Variants in SIM2 observed in about 807,000 individuals in gnomAD.
SIM2 encodes the protein single-minded homolog 2.
Under a neutral mutation model 64.8 loss-of-function variants are expected in SIM2, and 28 were observed. The observed-to-expected ratio is 0.43, with a 90% CI of 0.32 to 0.59. The LOEUF (loss-of-function observed/expected upper bound fraction) is 0.59. Ranked by LOEUF, SIM2 falls within the 20% of genes least tolerant of loss-of-function variation. SIM2 has a pLI of 0.07. For synonymous variants in SIM2, 408 were observed against 391.1 expected, an observed-to-expected ratio of 1.04 and a Z score of -0.51; for missense variants, 847 against 871.4, an observed-to-expected ratio of 0.97 and a Z score of 0.35.
intron 1 of SIM2, among the ~76,000 whole-genome samples, chr21:36,706,825 C>T (rs1193262198): frequency 6.6e-6 from 1 of 152,174 alleles, no homozygotes; most frequent in Non-Finnish European, 1.5e-5. Context: ...ACCAAATCTC[C>T]GCCGGCAAAG....
chr21:36,699,866 G>T lies in SIM2; in HGVS notation c.120G>T (p.Ala40=). 3.1e-6 allele frequency: 5 copies of T among 1,609,054 alleles called. No individual in the cohort carries two copies. Among genetic ancestry groups the T allele is most frequent in the Non-Finnish European group, 4.2e-6 (5 of 1,177,880 alleles). ...PSAITSQLDK[A]SIIRLTTSYL... Reference sequence around the variant, plus strand: ...CCATCACTTCGCAGCTGGACAAAGCGTCCATCATCCGCCTCACCACGAGCT... The same window carrying T: ...CCATCACTTCGCAGCTGGACAAAGCTTCCATCATCCGCCTCACCACGAGCT... Residue 40 remains alanine (A), a synonymous_variant, in exon 1 of 11, where the codon GCG becomes GCT. Transcript: ENST00000290399. This position sits in a 1 kb window ranked among gnomAD's most constrained non-coding sequence, Gnocchi z 5.6.
Position 36,743,447 on chromosome 21 carries a change from G to A in SIM2, c.1059G>A (p.Gln353=). 1 of 1,614,060 alleles carries A rather than the reference G, an allele frequency of 6.2e-7. No individual in the cohort carries two copies. Among genetic ancestry groups the A allele is most frequent in the South Asian group, 1.1e-5 (1 of 91,078 alleles). Residue 353 remains glutamine, a synonymous_variant, in exon 9 of 11, where the codon CAG becomes CAA. Coordinates refer to ENST00000290399, the MANE Select transcript of SIM2 (RefSeq NM_005069.6). ...AGCAGGTGTCCACTGCCAAGTCCCA[G>A]GACTCCTGGAGGACCGCCTTGTCTA... ...SLEQVSTAKS[Q]DSWRTALSTS... is the part of the protein sequence containing the mutation.
chr21:36,739,975 A>C (rs1380357455), intron 7 of SIM2, among the ~76,000 whole-genome samples: 1 of 150,280 alleles, frequency 6.7e-6, no homozygotes, highest in African/African-American at 2.5e-5. Context: ...CTCAAAAAAA[A>C]AAAAAGAGAA....
At position 36,747,959 on chromosome 21, in the gene SIM2, G is replaced by C; in HGVS notation, c.1871G>C (p.Cys624Ser). 1.0e-6 allele frequency: 1 copy of C among 1,004,768 alleles called. No homozygotes were observed. Among genetic ancestry groups the C allele is most frequent in the Non-Finnish European group, 1.2e-6 (1 of 846,252 alleles). 62.2% of individuals were successfully genotyped at this position (1,004,768 alleles called of 1,614,324 possible). ...GAAPAASGLACAPGGPEAATG... is the reference protein window; with the variant it reads ...GAAPAASGLASAPGGPEAATG... ...GCACCCGCCGCCTCCGGCCTGGCCT[G>C]CGCTCCCGGCGGCCCCGAGGCGGCG... The change falls in exon 11 of 11, where the codon TGC (cysteine) becomes TCC (serine). Residue 624 changes from cysteine to serine, a missense_variant. Cys to Ser is a moderately radical substitution (Grantham distance 112, BLOSUM62 -1). Around this residue, in one of 3 missense-constraint regions of SIM2, gnomAD observed 447 missense variants for 414.6 expected, o/e 1.08. Transcript: ENST00000290399. The surrounding 1 kb of genome is among the most constrained non-coding windows in gnomAD (Gnocchi z 4.5).
intron 7 of SIM2, among the ~76,000 whole-genome samples, chr21:36,737,196 T>C (rs1299528132): frequency 2.0e-5 from 3 of 152,190 alleles, no homozygotes; most frequent in African/African-American, 7.2e-5. Context: ...CCCAAAGTGT[T>C]GGGATTACAG....
rs1270884705 is a variant in SIM2, at chr21:36,731,113, G to A, written c.812G>A (p.Gly271Asp). The change falls in exon 7 of 11, where the codon GGC becomes GAC. Residue 271 changes from glycine (G) to aspartate (D), a missense_variant. Physicochemically the swap from Gly to Asp is moderately conservative, Grantham distance 94 (BLOSUM62 -1). Coordinates refer to ENST00000290399, the MANE Select transcript of SIM2 (RefSeq NM_005069.6). Reference sequence around the variant, plus strand: ...AAGACCCTATACCATCACGTGCACGGCTGCGACGTGTTCCACCTCCGCTAC... The same window carrying A: ...AAGACCCTATACCATCACGTGCACGACTGCGACGTGTTCCACCTCCGCTAC... ...IEKTLYHHVH[G>D]CDVFHLRYAH... The A allele has an allele frequency of 1.9e-6, 3 of 1,613,998 alleles. No individual in the cohort carries two copies. The South Asian group carries it at 3.3e-5, about 18-fold the overall frequency.
chr21:36,744,912 C>T lies in SIM2; in HGVS notation c.1352C>T (p.Ser451Phe). The change falls in exon 10 of 11, where the codon TCT becomes TTT. Residue 451 changes from serine to phenylalanine, a missense_variant. Ser to Phe is a radical substitution (Grantham distance 155). This residue lies in a region of SIM2 where 447 missense variants were observed against 414.6 expected (regional missense o/e 1.08). Transcript: ENST00000290399. ...SYHYGHFPLD[S>F]HVFSSKKPML... ...CATTACGGACACTTCCCTCTGGACT[C>T]TCACGTCTTCAGCAGCAAAAAGCCA... The T allele has an allele frequency of 5.0e-6, 8 of 1,614,278 alleles. No individual in the cohort carries two copies. The highest frequency in any genetic ancestry group is 6.8e-6 in the Non-Finnish European group (8 of 1,180,048).
intron 2 of SIM2, among the ~76,000 whole-genome samples, chr21:36,711,540 T>A (rs2123432711): frequency 1.3e-5 from 2 of 152,348 alleles, no homozygotes; most frequent in African/African-American, 4.8e-5. Flanking sequence ...ACATTCTTTT[T>A]AGCCCCCTCT....
At chr21:36,746,342 A>C (rs2089227300) in intron 10 of SIM2, 1 of 152,376 alleles carries the variant, frequency 6.6e-6, no homozygotes, top group African/African-American at 2.4e-5. Flanking sequence ...AAAAAGGATG[A>C]TGTGCCTCAG....
chr21:36,720,360 G>C (rs1214691722), intron 4 of SIM2: 1 of 163,530 alleles, frequency 6.1e-6, no homozygotes, highest in African/African-American at 2.4e-5. Flanking sequence ...TTGAAATTTG[G>C]CATTTCCTTT....
chr21:36,730,112 A>G (rs1186215841), intron 6 of SIM2, among the ~76,000 whole-genome samples: 1 of 152,168 alleles, frequency 6.6e-6, no homozygotes, highest in Non-Finnish European at 1.5e-5. Flanking sequence ...CGTAATTCCC[A>G]ATAGTGGGAA....
chr21:36,747,797 G>C lies in SIM2; in HGVS notation c.1709G>C (p.Arg570Pro). The C allele has an allele frequency of 1.9e-6, 2 of 1,043,028 alleles. No individual in the cohort carries two copies. The highest frequency in any genetic ancestry group is 2.3e-6 in the Non-Finnish European group (2 of 870,458). The allele number at this position is 1,043,028 out of a possible 1,614,324, so 64.6% of individuals were successfully genotyped here. The change falls in exon 11 of 11, where the codon CGG (arginine) becomes CCG (proline). Residue 570 changes from arginine to proline, a missense_variant. By Grantham distance (103) the Arg-to-Pro change is moderately radical. Coordinates refer to ENST00000290399, the MANE Select transcript of SIM2 (RefSeq NM_005069.6). This position sits in a 1 kb window ranked among gnomAD's most constrained non-coding sequence, Gnocchi z 4.5. Reference sequence around the variant, plus strand: ...CGCCAGGCCGCCCGGGACGGGGCGCGGCTGGCGCTGGCCCGCGCGGCACCC... The same window carrying C: ...CGCCAGGCCGCCCGGGACGGGGCGCCGCTGGCGCTGGCCCGCGCGGCACCC... ...AARQAARDGA[R>P]LALARAAPEC...
chr21:36,709,286 C>A (rs777809822), intron 2 of SIM2, 36 bp downstream of exon 2: 1 of 1,509,958 alleles, frequency 6.6e-7, no homozygotes, highest in Non-Finnish European at 9.0e-7. Flanking sequence ...GCGCAGCCGC[C>A]GCAGGCTCCC....
chr21:36,737,970 A>AAAAAAAG (rs2089093276), intron 7 of SIM2, among the ~76,000 whole-genome samples: 1 of 123,478 alleles, frequency 8.1e-6, no homozygotes, highest in Admixed American at 7.8e-5. Flanking sequence ...TCAAAAAAAA[A>AAAAAAAG]AAAAAAAAAA....
chr21:36,711,025 A>G (rs938276768), intron 2 of SIM2, among the ~76,000 whole-genome samples: 2 of 152,226 alleles, frequency 1.3e-5, no homozygotes, highest in African/African-American at 2.4e-5. Context: ...CATTTCTTTA[A>G]TTAATTCCGG....
chr21:36,724,943 G>C (rs1270690585), intron 5 of SIM2, among the ~76,000 whole-genome samples: 2 of 152,102 alleles, frequency 1.3e-5, no homozygotes, highest in Admixed American at 1.3e-4. Context: ...TTTGGCTATA[G>C]CAATTGGAAG....
At chr21:36,702,515 C>T (rs2088516011) in intron 1 of SIM2, among the ~76,000 whole-genome samples, 1 of 152,200 alleles carries the variant, frequency 6.6e-6, no homozygotes, top group Non-Finnish European at 1.5e-5. Context: ...CAGTCTGGGG[C>T]TGAGGAGTAG....
At chr21:36,704,290 CT>C (rs2088548117) in intron 1 of SIM2, among the ~76,000 whole-genome samples, 1 of 152,238 alleles carries the variant, frequency 6.6e-6, no homozygotes, top group Admixed American at 6.5e-5. Flanking sequence ...AAACTCACCC[CT>C]ATACCCCTCA....
chr21:36,722,134 G>T (rs2088830785), intron 4 of SIM2, among the ~76,000 whole-genome samples: 4 of 152,196 alleles, frequency 2.6e-5, no homozygotes, highest in Non-Finnish European at 5.9e-5. Context: ...TTGATGACCA[G>T]TTGATGTATT....
Sources: allele counts gnomAD v4.1 joint callset (sites outside exome capture counted in the v4.1 genomes callset), GRCh38; gene constraint gnomAD v4.1.1; regional missense constraint gnomAD v4.1.1; non-coding constraint Gnocchi (gnomAD v3.1); transcripts MANE v1.5; gene names NCBI Gene and HGNC (gene_info 2026-07-23, HGNC 2026-07-21).